Variants in ZNF804B observed in about 807,000 individuals in gnomAD.
ZNF804B encodes the protein zinc finger protein 804B, also known as zinc finger 804B.
Under a neutral mutation model 101.4 loss-of-function variants are expected in ZNF804B, and 80 were observed. That is an observed-to-expected ratio of 0.79 (90% CI 0.66 to 0.95). The LOEUF (loss-of-function observed/expected upper bound fraction) is 0.95, where lower values mean the gene tolerates loss of function less well. Ranked by LOEUF, ZNF804B falls within the 40% of genes least tolerant of loss-of-function variation. ZNF804B has a pLI of 0.00. For synonymous variants in ZNF804B, 622 were observed against 558.8 expected (o/e 1.11, Z -1.59); for missense variants, 1,673 against 1,561.9 (o/e 1.07, Z -1.20).
At chr7:89,027,408 A>C (rs949021537) in intron 1 of ZNF804B, among the ~76,000 whole-genome samples, 1 of 152,186 alleles carries the variant, frequency 6.6e-6, no homozygotes, top group South Asian at 2.1e-4. Flanking sequence ...GTAATAAAAC[A>C]AAACAAAACA....
intron 2 of ZNF804B, among the ~76,000 whole-genome samples, chr7:89,282,704 T>C (rs1363489123): frequency 6.6e-6 from 1 of 152,160 alleles, no homozygotes; most frequent in African/African-American, 2.4e-5. Context: ...AAATATGTCC[T>C]TATAATAAGA....
intron 2 of ZNF804B, among the ~76,000 whole-genome samples, chr7:89,265,441 T>A (rs914562964): frequency 6.6e-6 from 1 of 152,192 alleles, no homozygotes; most frequent in Non-Finnish European, 1.5e-5. Flanking sequence ...GGGATACTAA[T>A]AGAACTCCAT....
intron 1 of ZNF804B, among the ~76,000 whole-genome samples, chr7:89,106,561 T>A (rs1790140163): frequency 6.6e-6 from 1 of 152,082 alleles, no homozygotes; most frequent in African/African-American, 2.4e-5. Context: ...GAATGAAGAA[T>A]TGATAATACT....
intron 1 of ZNF804B, among the ~76,000 whole-genome samples, chr7:89,004,015 G>C (rs1234725216): frequency 6.8e-6 from 1 of 146,932 alleles, no homozygotes; most frequent in Non-Finnish European, 1.5e-5. Flanking sequence ...AAAAAGAGAG[G>C]AGTTTTGCAG....
At chr7:89,208,087 T>G (rs35405999) in intron 1 of ZNF804B, among the ~76,000 whole-genome samples, 3 of 149,182 alleles carry the variant, frequency 2.0e-5, no homozygotes, top group South Asian at 4.2e-4. Context: ...ATTGGGTTTT[T>G]TTTTTTTTTT....
chr7:89,085,126 G>C (rs1789769798), intron 1 of ZNF804B, among the ~76,000 whole-genome samples: 1 of 107,632 alleles, frequency 9.3e-6, no homozygotes, highest in South Asian at 3.0e-4. Flanking sequence ...CATTCTGTAA[G>C]TTTAGAATAT....
At chr7:89,206,708 C>A (rs187131439) in intron 1 of ZNF804B, among the ~76,000 whole-genome samples, 1 of 152,210 alleles carries the variant, frequency 6.6e-6, no homozygotes, top group African/African-American at 2.4e-5. Context: ...GCTGAGATCA[C>A]GCCATTGCAC....
intron 1 of ZNF804B, among the ~76,000 whole-genome samples, chr7:88,814,119 A>T (rs1197982295): frequency 6.6e-6 from 1 of 152,156 alleles, no homozygotes; most frequent in East Asian, 1.9e-4. Flanking sequence ...GCTCTTGGAT[A>T]TTGGCTAATT....
At chr7:88,781,932 C>T (rs1790233558) in intron 1 of ZNF804B, among the ~76,000 whole-genome samples, 1 of 152,108 alleles carries the variant, frequency 6.6e-6, no homozygotes, top group South Asian at 2.1e-4. Context: ...TGTCTCCAGG[C>T]CTTGGCCAAG....
At chr7:89,215,939 A>C (rs1459950931) in intron 1 of ZNF804B, among the ~76,000 whole-genome samples, 2 of 149,512 alleles carry the variant, frequency 1.3e-5, no homozygotes, top group African/African-American at 4.9e-5. Context: ...AAGAACTATG[A>C]TTAAAACAAA....
At chr7:88,953,336 G>A (rs1044234045) in intron 1 of ZNF804B, among the ~76,000 whole-genome samples, 1 of 151,630 alleles carries the variant, frequency 6.6e-6, no homozygotes, top group African/African-American at 2.4e-5. Flanking sequence ...CCATTTCCCT[G>A]CTCTAATGTC....
At chr7:89,218,128 C>A (rs1355121328) in intron 1 of ZNF804B, 27 bp from the exon 2 acceptor site, 2 of 1,592,834 alleles carry the variant, frequency 1.3e-6, no homozygotes, top group Non-Finnish European at 8.5e-7. Context: ...AGAAGTCTAA[C>A]CAACATTTAT....
chr7:89,143,211 C>T (rs1453923120), intron 1 of ZNF804B, among the ~76,000 whole-genome samples: 1 of 151,850 alleles, frequency 6.6e-6, no homozygotes, highest in Non-Finnish European at 1.5e-5. Context: ...TTTATTATAA[C>T]GATGGTATAA....
intron 1 of ZNF804B, among the ~76,000 whole-genome samples, chr7:88,854,434 T>TCTTTCTTC (rs1791508302): frequency 1.9e-5 from 2 of 106,576 alleles, no homozygotes; most frequent in African/African-American, 6.9e-5. Context: ...TTTCTTTCTT[T>TCTTTCTTC]CTTTCTTTCT....
intron 1 of ZNF804B, among the ~76,000 whole-genome samples, chr7:88,952,937 T>A (rs1793247139): frequency 6.6e-6 from 1 of 151,712 alleles, no homozygotes; most frequent in South Asian, 2.1e-4. Context: ...GATTTGCAAG[T>A]GTTACTTCTG....
At chr7:89,260,280 C>T (rs1288987450) in intron 2 of ZNF804B, among the ~76,000 whole-genome samples, 1 of 152,058 alleles carries the variant, frequency 6.6e-6, no homozygotes, top group African/African-American at 2.4e-5. Flanking sequence ...TAAAGTTAGC[C>T]TATCCCTTCT....
intron 1 of ZNF804B, among the ~76,000 whole-genome samples, chr7:88,821,616 T>C (rs549942052): frequency 1.6e-4 from 25 of 152,172 alleles, no homozygotes; most frequent in Non-Finnish European, 3.4e-4. Flanking sequence ...TAACCATCTC[T>C]CACAGGTACT....
chr7:88,799,337 T>C (rs1221876221), intron 1 of ZNF804B, among the ~76,000 whole-genome samples: 1 of 152,072 alleles, frequency 6.6e-6, no homozygotes, highest in Non-Finnish European at 1.5e-5. Context: ...GATAGAATCT[T>C]TTCTACAGTT....
At chr7:89,157,318 TAGTG>T (rs1185928467) in intron 1 of ZNF804B, among the ~76,000 whole-genome samples, 1 of 152,162 alleles carries the variant, frequency 6.6e-6, no homozygotes, top group African/African-American at 2.4e-5. Context: ...CTAAGCTAAT[TAGTG>T]ATTCATCTTT....
Sources: gnomAD v4.1 joint callset for allele counts (sites outside exome capture counted in the v4.1 genomes callset) on GRCh38, gnomAD v4.1.1 for gene constraint, MANE v1.5 for transcripts, NCBI Gene and HGNC (gene_info 2026-07-23, HGNC 2026-07-21) for gene names.